Variants in FSIP1 observed in about 807,000 individuals in gnomAD.
The protein encoded by FSIP1 is fibrous sheath-interacting protein 1.
In FSIP1, 65 loss-of-function variants were observed where a neutral mutation model predicts 60.9. The ratio of observed to expected loss-of-function variants is 1.07; its 90% confidence interval spans 0.87 to 1.31. FSIP1 has a LOEUF of 1.31. Ranked by LOEUF, FSIP1 falls within the 40% of genes most tolerant of loss-of-function variation. FSIP1 has a pLI of 0.00. For synonymous variants in FSIP1, 209 were observed against 221.2 expected, an observed-to-expected ratio of 0.94 and a Z score of 0.49; for missense variants, 675 against 665.5, an observed-to-expected ratio of 1.01 and a Z score of -0.16.
chr15:39,677,569 G>A (rs1893991413), intron 10 of FSIP1, among the ~76,000 whole-genome samples: 1 of 152,134 alleles, frequency 6.6e-6, no homozygotes, highest in Non-Finnish European at 1.5e-5. Context: ...GAATTTATCT[G>A]AAGGAAATAA....
At chr15:39,748,487 T>A (rs1342792365) in intron 5 of FSIP1, among the ~76,000 whole-genome samples, 1 of 152,150 alleles carries the variant, frequency 6.6e-6, no homozygotes, top group African/African-American at 2.4e-5. Context: ...CTTATGCAAT[T>A]CCTGACCTTT....
rs1491090328 is a variant in FSIP1 at position 39,687,136 on chromosome 15, C to CTTTTTTTTTTTTTTTTTTT, written c.1188+26307_1188+26308insAAAAAAAAAAAAAAAAAAA. On this transcript the variant is annotated intron_variant, in intron 10 of 11. Coordinates refer to ENST00000350221, the MANE Select transcript of FSIP1 (RefSeq NM_152597.5). ...CACCTTTCTTTCTTTCTTTTCTTTT[C>CTTTTTTTTTTTTTTTTTTT]CTTTTTTTTTTTTTTTTTTTTTTTT... Among the ~76,000 whole-genome samples, 162 of 47,716 alleles carry CTTTTTTTTTTTTTTTTTTT rather than the reference C, an allele frequency of 3.4e-3. 43 individuals are homozygous for CTTTTTTTTTTTTTTTTTTT. The highest frequency in any genetic ancestry group is 0.045 in the Middle Eastern group (2 of 44). 31.3% of individuals were successfully genotyped at this position (47,716 alleles called of 152,430 possible).
intron 10 of FSIP1, among the ~76,000 whole-genome samples, chr15:39,664,209 A>C (rs1893408946): frequency 6.6e-6 from 1 of 152,198 alleles, no homozygotes; most frequent in South Asian, 2.1e-4. Flanking sequence ...TCTACTTAGA[A>C]AAGCAACTAA....
chr15:39,714,972 C>CAA (rs34491210), intron 9 of FSIP1, among the ~76,000 whole-genome samples: 976 of 88,794 alleles, frequency 0.011, 30 homozygotes, highest in African/African-American at 0.023. Flanking sequence ...GACTCTGTCT[C>CAA]AAAAAAAAAA....
intron 10 of FSIP1, among the ~76,000 whole-genome samples, chr15:39,665,869 G>T (rs1595590186): frequency 6.6e-6 from 1 of 152,020 alleles, no homozygotes; most frequent in African/African-American, 2.4e-5. Flanking sequence ...TACAAGAGCT[G>T]CTTTTCTCTG....
At chr15:39,669,683 G>T (rs28581473) in intron 10 of FSIP1, among the ~76,000 whole-genome samples, 6 of 152,072 alleles carry the variant, frequency 3.9e-5, no homozygotes, top group South Asian at 4.2e-4. Flanking sequence ...AAAGTTATGA[G>T]GCTAAAAATT....
At chr15:39,713,200 G>A (rs1195844616) in intron 10 of FSIP1, among the ~76,000 whole-genome samples, 1 of 152,134 alleles carries the variant, frequency 6.6e-6, no homozygotes, top group African/African-American at 2.4e-5. Flanking sequence ...TTTAACACAT[G>A]AGAACAGTCA....
downstream of FSIP1, among the ~76,000 whole-genome samples, chr15:39,599,821 C>T (rs940636621): frequency 1.3e-5 from 2 of 152,134 alleles, no homozygotes; most frequent in African/African-American, 4.8e-5. Context: ...ATAAATTATA[C>T]GTAGCACATT....
chr15:39,612,406 CAG>C (rs1324085651), intron 11 of FSIP1, among the ~76,000 whole-genome samples: 1 of 151,776 alleles, frequency 6.6e-6, no homozygotes, highest in Non-Finnish European at 1.5e-5. Context: ...AACAATAGGT[CAG>C]AGGGGGGAAA....
intron 10 of FSIP1, among the ~76,000 whole-genome samples, chr15:39,691,171 G>A (rs1278520354): frequency 1.3e-5 from 2 of 152,180 alleles, no homozygotes; most frequent in Non-Finnish European, 2.9e-5. Flanking sequence ...AATTAATAGG[G>A]TTAAGTCCAG....
chr15:39,663,643 T>C (rs1000206180), intron 10 of FSIP1, among the ~76,000 whole-genome samples: 12 of 152,234 alleles, frequency 7.9e-5, no homozygotes, highest in African/African-American at 2.4e-4. Context: ...ACCATTTTCA[T>C]TGAAGGTAAC....
intron 5 of FSIP1, among the ~76,000 whole-genome samples, chr15:39,747,607 T>C (rs1192978931): frequency 6.6e-6 from 1 of 152,214 alleles, no homozygotes; most frequent in Non-Finnish European, 1.5e-5. Context: ...AAGAATGTCT[T>C]TCTGTTGTCT....
intron 2 of FSIP1, among the ~76,000 whole-genome samples, chr15:39,772,643 T>A (rs1027830337): frequency 6.6e-6 from 1 of 150,992 alleles, no homozygotes; most frequent in Non-Finnish European, 1.5e-5. Flanking sequence ...CAGGCTGGAG[T>A]GCAGTGGTGC....
chr15:39,636,534 A>G (rs1892146711), intron 10 of FSIP1, among the ~76,000 whole-genome samples: 1 of 152,206 alleles, frequency 6.6e-6, no homozygotes, highest in Admixed American at 6.5e-5. Context: ...CCATCAAGAC[A>G]CGAATAGCCT....
intron 10 of FSIP1, among the ~76,000 whole-genome samples, chr15:39,664,479 C>T (rs566099528): frequency 4.7e-4 from 71 of 152,256 alleles, no homozygotes; most frequent in Admixed American, 1.6e-3. Flanking sequence ...ATCCAGCAAT[C>T]AACCTGTAGC....
intron 11 of FSIP1, among the ~76,000 whole-genome samples, chr15:39,614,502 G>T (rs757253453): frequency 6.6e-6 from 1 of 151,928 alleles, no homozygotes; most frequent in African/African-American, 2.4e-5. Context: ...AAAATTAGCC[G>T]GGCGTGGTGG....
intron 10 of FSIP1, among the ~76,000 whole-genome samples, chr15:39,628,924 A>G (rs527459813): frequency 6.6e-6 from 1 of 152,350 alleles, no homozygotes; most frequent in South Asian, 2.1e-4. Context: ...TACCTGCGTG[A>G]AGCTGCGAGG....
intron 10 of FSIP1, among the ~76,000 whole-genome samples, chr15:39,658,505 C>T (rs1422969834): frequency 6.6e-6 from 1 of 152,132 alleles, no homozygotes; most frequent in Non-Finnish European, 1.5e-5. Context: ...CCACCTCAGC[C>T]TCCCAAAGTG....
At chr15:39,701,305 C>CA (rs35760198) in intron 10 of FSIP1, among the ~76,000 whole-genome samples, 1 of 150,172 alleles carries the variant, frequency 6.7e-6, no homozygotes, top group Non-Finnish European at 1.5e-5. Context: ...ATAAGAAGGG[C>CA]AAAAAAAAAG....
Sources: allele counts gnomAD v4.1 joint callset (sites outside exome capture counted in the v4.1 genomes callset), GRCh38; gene constraint gnomAD v4.1.1; transcripts MANE v1.5; gene names NCBI Gene and HGNC (gene_info 2026-07-23, HGNC 2026-07-21).